Variants in PCDH17 observed in about 807,000 individuals in gnomAD.
The protein encoded by PCDH17 is protocadherin 17, also known as protocadherin-17.
A neutral mutation model predicts 67.7 loss-of-function variants in PCDH17; 21 were observed. The ratio of observed to expected loss-of-function variants is 0.31; its 90% CI spans 0.22 to 0.45. The LOEUF (loss-of-function observed/expected upper bound fraction) is 0.45. PCDH17 is among the 20% of genes least tolerant of loss of function. PCDH17 has a pLI of 1.00. For missense variants in PCDH17, 1,471 were observed against 1,564.8 expected (o/e 0.94, Z 1.01); for synonymous variants, 701 against 656.7 (o/e 1.07, Z -1.03).
At chr13:57,640,600 TGACCCTAGAGCGGGGG>T (rs1426430187) in intron 1 of PCDH17, among the ~76,000 whole-genome samples, 3 of 152,164 alleles carry the variant, frequency 2.0e-5, no homozygotes, top group Non-Finnish European at 4.4e-5. Context: ...ATAGAGCTAG[TGACCCTAGAGCGGGGG>T]GACTTAACAC....
At chr13:57,636,309 T>TG (rs1238133495) in intron 1 of PCDH17, among the ~76,000 whole-genome samples, 5 of 152,290 alleles carry the variant, frequency 3.3e-5, no homozygotes, top group South Asian at 2.1e-4. Flanking sequence ...AAGATTAGTT[T>TG]GGGGCAAGTG....
intron 3 of PCDH17, among the ~76,000 whole-genome samples, chr13:57,686,702 T>G (rs1427297126): frequency 6.6e-6 from 1 of 151,944 alleles, no homozygotes; most frequent in Non-Finnish European, 1.5e-5. Flanking sequence ...TTTGGAGATA[T>G]GAAAATAATA....
chr13:57,691,542 A>G (rs1028906376), intron 3 of PCDH17, among the ~76,000 whole-genome samples: 1 of 151,230 alleles, frequency 6.6e-6, no homozygotes, highest in Non-Finnish European at 1.5e-5. Flanking sequence ...CTCTTTTGTG[A>G]TTATTTTTTA....
At chr13:57,691,345 A>G (rs963200766) in intron 3 of PCDH17, among the ~76,000 whole-genome samples, 1 of 151,268 alleles carries the variant, frequency 6.6e-6, no homozygotes, top group East Asian at 1.9e-4. Flanking sequence ...TTTGAGGGTG[A>G]AAGGGACACT....
intron 3 of PCDH17, among the ~76,000 whole-genome samples, chr13:57,674,574 G>A (rs776025128): frequency 1.3e-5 from 2 of 151,748 alleles, no homozygotes; most frequent in African/African-American, 2.4e-5. Context: ...TAATTCTTCC[G>A]CTTCAGCCTC....
At chr13:57,671,752 A>G (rs1048443862) in intron 3 of PCDH17, among the ~76,000 whole-genome samples, 16 of 152,030 alleles carry the variant, frequency 1.1e-4, no homozygotes, top group Non-Finnish European at 1.9e-4. Flanking sequence ...GCTTTCTGCT[A>G]TCTTTATAAT....
intron 1 of PCDH17, among the ~76,000 whole-genome samples, chr13:57,655,588 TA>T (rs956020361): frequency 1.3e-5 from 2 of 152,014 alleles, no homozygotes; most frequent in African/African-American, 4.8e-5. Context: ...TTTGACAATT[TA>T]TATGAGTATA....
At chr13:57,716,160 C>T (rs1955815157) in intron 3 of PCDH17, among the ~76,000 whole-genome samples, 1 of 151,714 alleles carries the variant, frequency 6.6e-6, no homozygotes, top group Non-Finnish European at 1.5e-5. Flanking sequence ...TTCTATTTAC[C>T]CTATAGCTCA....
At chr13:57,684,019 G>T (rs567971687) in intron 3 of PCDH17, among the ~76,000 whole-genome samples, 1 of 151,844 alleles carries the variant, frequency 6.6e-6, no homozygotes, top group Admixed American at 6.6e-5. Context: ...TCTGGGGCAC[G>T]AGGTGAGATA....
chr13:57,691,051 C>A (rs1955554017), intron 3 of PCDH17, among the ~76,000 whole-genome samples: 3 of 151,188 alleles, frequency 2.0e-5, no homozygotes, highest in Non-Finnish European at 4.4e-5. Flanking sequence ...TATATTTTTT[C>A]TTTTACTCTT....
At chr13:57,683,187 A>G (rs1054898877) in intron 3 of PCDH17, among the ~76,000 whole-genome samples, 7 of 151,866 alleles carry the variant, frequency 4.6e-5, no homozygotes, top group Non-Finnish European at 1.0e-4. Flanking sequence ...TTTAAGAGGG[A>G]GTCATGGGGA....
intron 3 of PCDH17, among the ~76,000 whole-genome samples, chr13:57,713,055 A>G (rs1955789996): frequency 6.6e-6 from 1 of 151,672 alleles, no homozygotes; most frequent in Non-Finnish European, 1.5e-5. Context: ...TGATTCAGAA[A>G]TAGCCCTCTC....
chr13:57,634,363 T>A lies in PCDH17; in HGVS notation c.1817T>A (p.Leu606Gln). The A allele has an allele frequency of 6.2e-7, 1 of 1,612,576 alleles. No homozygotes were observed. Among genetic ancestry groups the A allele is most frequent in the Middle Eastern group, 1.7e-4 (1 of 6,058 alleles). ...CCGCGCAACGCTGGCCTGGGCTATC[T>A]GGTGAGCACTGTGCGCGCCCTAGAC... ...QVPRNAGLGY[L>Q]VSTVRALDSD... The change falls in exon 1 of 4, where the codon CTG (leucine) becomes CAG (glutamine). Residue 606 changes from leucine to glutamine, a missense_variant. Leu to Gln is a moderately radical substitution (Grantham distance 113). Transcript: ENST00000377918. The surrounding 1 kb of genome is among the most constrained non-coding windows in gnomAD (Gnocchi z 7.8).
intron 3 of PCDH17, among the ~76,000 whole-genome samples, chr13:57,701,198 G>A (rs1288123585): frequency 6.6e-6 from 1 of 152,038 alleles, no homozygotes; most frequent in Non-Finnish European, 1.5e-5. Flanking sequence ...AAAAATCAAA[G>A]ACAAAAGCTA....
intron 1 of PCDH17, among the ~76,000 whole-genome samples, chr13:57,644,592 A>AC (rs1954943362): frequency 6.6e-6 from 1 of 151,158 alleles, no homozygotes; most frequent in Non-Finnish European, 1.5e-5. Context: ...CAATTACAAT[A>AC]CCCCCCTTGG....
intron 3 of PCDH17, among the ~76,000 whole-genome samples, chr13:57,713,217 T>G (rs1955791379): frequency 6.6e-6 from 1 of 151,722 alleles, no homozygotes; most frequent in African/African-American, 2.4e-5. Flanking sequence ...TTAAAGCTGT[T>G]ACTAGAAAAA....
rs575004956 is a variant in PCDH17, at chr13:57,633,144, G to T, written c.598G>T (p.Ala200Ser). ...TKFPELVIQK[A>S]LDREQQNHHT... ...GTTCCCAGAACTGGTCATCCAGAAG[G>T]CTCTGGACCGCGAGCAACAGAATCA... is the stretch of plus-strand genomic sequence containing the variant. Residue 200 changes from alanine to serine, a missense_variant, in exon 1 of 4, where the codon GCT becomes TCT. By Grantham distance (99) the Ala-to-Ser change is moderately conservative. This residue lies in a region of PCDH17 where 1,163 missense variants were observed against 1,230.0 expected (regional missense o/e 0.95). Coordinates refer to ENST00000377918, the MANE Select transcript of PCDH17 (RefSeq NM_001040429.3). This position sits in a 1 kb window ranked among gnomAD's most constrained non-coding sequence, Gnocchi z 6.2. The T allele has an allele frequency of 1.9e-6, 3 of 1,613,462 alleles. No homozygotes were observed. The highest frequency in any genetic ancestry group is 1.6e-4 in the Middle Eastern group (1 of 6,062).
intron 3 of PCDH17, among the ~76,000 whole-genome samples, chr13:57,668,325 A>C (rs1274742954): frequency 2.6e-5 from 4 of 152,072 alleles, no homozygotes; most frequent in Non-Finnish European, 5.9e-5. Context: ...TGATTGATAG[A>C]TAATTGATTG....
At chr13:57,659,569 T>A (rs1955158112) in intron 1 of PCDH17, among the ~76,000 whole-genome samples, 1 of 152,160 alleles carries the variant, frequency 6.6e-6, no homozygotes. Flanking sequence ...CCCCACATTT[T>A]GAATACTCTT....
Sources: gnomAD v4.1 joint callset for allele counts (sites outside exome capture counted in the v4.1 genomes callset) on GRCh38, gnomAD v4.1.1 for gene constraint, gnomAD v4.1.1 regional missense constraint, Gnocchi (gnomAD v3.1) non-coding constraint, MANE v1.5 for transcripts, NCBI Gene and HGNC (gene_info 2026-07-23, HGNC 2026-07-21) for gene names.